Variants in CCNK observed in about 807,000 individuals in gnomAD.
CCNK encodes cyclin K.
In CCNK, 9 loss-of-function variants were observed where a neutral mutation model predicts 65.0. The observed-to-expected ratio is 0.14, with a 90% CI of 0.08 to 0.24. CCNK has a LOEUF of 0.24. Ranked by LOEUF, CCNK falls within the 10% of genes least tolerant of loss-of-function variation. CCNK has a pLI of 1.00. For synonymous variants in CCNK, 279 were observed against 270.8 expected, an observed-to-expected ratio of 1.03 and a Z score of -0.30; for missense variants, 474 against 720.0, an observed-to-expected ratio of 0.66 and a Z score of 3.91.
At chr14:99,506,777 G>C in intron 9 of CCNK, 1 of 394,748 alleles carries the variant, frequency 2.5e-6, no homozygotes, top group Non-Finnish European at 4.8e-6. Context: ...ACGTTGCTCT[G>C]CTGGTCTCAC....
intron 3 of CCNK, 146 bp downstream of exon 3, chr14:99,493,741 A>T: frequency 2.0e-6 from 1 of 507,220 alleles, no homozygotes; most frequent in Non-Finnish European, 3.4e-6. Flanking sequence ...AACAAAATCA[A>T]GTTTGAACTT....
At chr14:99,487,130 T>C (rs1382156215) in intron 1 of CCNK, among the ~76,000 whole-genome samples, 2 of 152,224 alleles carry the variant, frequency 1.3e-5, no homozygotes, top group East Asian at 3.8e-4. Flanking sequence ...GCTAAGATAT[T>C]GATTCCCTCA....
At chr14:99,485,106 C>T (rs955765854) in intron 1 of CCNK, among the ~76,000 whole-genome samples, 1 of 152,140 alleles carries the variant, frequency 6.6e-6, no homozygotes, top group Non-Finnish European at 1.5e-5. Context: ...GGGAGTTCTA[C>T]GATTTTGAGG....
chr14:99,498,706 T>C (rs1796624146), intron 4 of CCNK, among the ~76,000 whole-genome samples: 1 of 152,102 alleles, frequency 6.6e-6, no homozygotes, highest in Admixed American at 6.6e-5. Context: ...TATATAACTA[T>C]TTGATGATGA....
intron 1 of CCNK, among the ~76,000 whole-genome samples, chr14:99,486,430 TCTCCATCC>T (rs1227176731): frequency 6.6e-6 from 1 of 152,164 alleles, no homozygotes; most frequent in African/African-American, 2.4e-5. Flanking sequence ...CCTTCTTCAC[TCTCCATCC>T]CTCCATCCGT....
intron 1 of CCNK, among the ~76,000 whole-genome samples, chr14:99,491,792 C>T (rs1045320950): frequency 6.6e-6 from 1 of 152,230 alleles, no homozygotes; most frequent in African/African-American, 2.4e-5. Context: ...ACCAGACTAA[C>T]CTGGCTCCAG....
At position 99,502,783 on chromosome 14, in the gene CCNK, C is replaced by T. The variant is rs1896867101; in HGVS notation, c.810C>T (p.Pro270=). ...AACAACAGATGCCTCATCACACCCC[C>T]CATCAGCTGCAACAGCCCCCATCTC... ...QGKQQMPHHT[P]HQLQQPPSLQ... The change falls in exon 8 of 11, where the codon CCC becomes CCT. Residue 270 remains proline, a synonymous_variant. Coordinates refer to ENST00000389879, the MANE Select transcript of CCNK (RefSeq NM_001099402.2). 1 of 1,613,766 alleles carries T rather than the reference C, an allele frequency of 6.2e-7. No individual in the cohort carries two copies. The highest frequency in any genetic ancestry group is 1.3e-5 in the African/African-American group (1 of 74,864).
At position 99,510,225 on chromosome 14, in the gene CCNK, C is replaced by G; in HGVS notation, c.1186C>G (p.Leu396Val). The change falls in exon 11 of 11, where the codon CTC becomes GTC. Residue 396 changes from leucine (L) to valine (V), a missense_variant. Physicochemically the swap from Leu to Val is conservative, Grantham distance 32. Coordinates refer to ENST00000389879, the MANE Select transcript of CCNK (RefSeq NM_001099402.2). ...EPPGPVDATD[L>V]PKVQIPPPAH... ...GCCGGGCCCTGTGGATGCCACTGACCTCCCCAAAGTCCAGATTCCCCCTCC... is the reference window on the plus strand; with the variant it reads ...GCCGGGCCCTGTGGATGCCACTGACGTCCCCAAAGTCCAGATTCCCCCTCC... 6.3e-7 allele frequency: 1 copy of G among 1,596,836 alleles called. No individual in the cohort carries two copies. The highest frequency in any genetic ancestry group is 8.5e-7 in the Non-Finnish European group (1 of 1,174,964).
intron 9 of CCNK, chr14:99,504,879 CTA>C (rs1896935596): frequency 6.6e-6 from 1 of 152,198 alleles, no homozygotes; most frequent in Non-Finnish European, 1.5e-5. Context: ...AGGAAACAAA[CTA>C]TATATGACCT....
intron 8 of CCNK, chr14:99,503,409 G>A (rs1376528814): frequency 8.3e-6 from 5 of 605,562 alleles, no homozygotes; most frequent in African/African-American, 5.6e-5. Context: ...GTCTTATTTG[G>A]TAAATGGAAA....
chr14:99,481,709 C>G (rs1290073145), intron 1 of CCNK: 1 of 383,394 alleles, frequency 2.6e-6, no homozygotes, highest in Non-Finnish European at 4.6e-6. Flanking sequence ...CCGGACTCAC[C>G]CTAGAACTGG....
intron 1 of CCNK, among the ~76,000 whole-genome samples, chr14:99,488,819 C>T (rs976856152): frequency 2.0e-5 from 3 of 151,904 alleles, no homozygotes; most frequent in South Asian, 2.1e-4. Flanking sequence ...ATTGTATGTT[C>T]ACTATTTTAT....
chr14:99,496,706 T>C (rs2139863004), intron 4 of CCNK, among the ~76,000 whole-genome samples: 1 of 147,622 alleles, frequency 6.8e-6, no homozygotes, highest in South Asian at 2.1e-4. Flanking sequence ...CAAAACTCCA[T>C]CTCAAAAAAA....
chr14:99,502,071 T>C, intron 6 of CCNK, 136 bp from the exon 7 acceptor site: 1 of 972,424 alleles, frequency 1.0e-6, no homozygotes, highest in Non-Finnish European at 1.4e-6. Flanking sequence ...AGACTTGAGT[T>C]TATTTATTTA....
rs372790110 is a variant in CCNK at position 99,486,431 on chromosome 14, CTCCA to C, written c.-53+4956_-53+4959del. ...TACCCAGACCCCTTCCTTCTTCACT[CTCCA>C]TCCCTCCATCCGTCAACATGACTTT... is the stretch of plus-strand genomic sequence containing the variant. On this transcript the variant is annotated intron_variant, in intron 1 of 10. Coordinates refer to ENST00000389879, the MANE Select transcript of CCNK (RefSeq NM_001099402.2). 9.7e-4 allele frequency among the ~76,000 whole-genome samples: 148 copies of C among 152,326 alleles called. 1 individual carries two copies. The highest frequency in any genetic ancestry group is 3.4e-3 in the African/African-American group (142 of 41,568).
At chr14:99,503,163 G>A (rs1896882052) in intron 8 of CCNK, 179 bp downstream of exon 8, 1 of 760,732 alleles carries the variant, frequency 1.3e-6, no homozygotes, top group Non-Finnish European at 2.3e-6. Context: ...TCCAAGGACA[G>A]GCTGCCTCTG....
chr14:99,485,007 G>A (rs1236298740), intron 1 of CCNK, among the ~76,000 whole-genome samples: 1 of 152,170 alleles, frequency 6.6e-6, no homozygotes, highest in Admixed American at 6.5e-5. Flanking sequence ...AGCTACTAAT[G>A]AGAAAACTTA....
At chr14:99,502,413 C>T in intron 7 of CCNK, 37 bp downstream of exon 7, 1 of 1,599,614 alleles carries the variant, frequency 6.3e-7, no homozygotes, top group Non-Finnish European at 8.5e-7. Context: ...GAGGGTGTTC[C>T]ATGTTGAGAT....
At chr14:99,504,042 G>A in intron 9 of CCNK, 3 of 372,166 alleles carry the variant, frequency 8.1e-6, no homozygotes, top group East Asian at 9.2e-5. Context: ...TGCCCGGACA[G>A]CACCAGCCCG....
Sources: allele counts gnomAD v4.1 joint callset (sites outside exome capture counted in the v4.1 genomes callset), GRCh38; gene constraint gnomAD v4.1.1; transcripts MANE v1.5; gene names NCBI Gene and HGNC (gene_info 2026-07-23, HGNC 2026-07-21).